The following CEP85L variants were observed in gnomAD, a reference collection of about 807,000 sequenced individuals.
CEP85L encodes centrosomal protein of 85 kDa-like.
A neutral mutation model predicts 100.3 loss-of-function variants in CEP85L; 60 were observed. The observed-to-expected ratio is 0.60, with a 90% CI of 0.49 to 0.74. The LOEUF is 0.74. Ranked by LOEUF, CEP85L falls within the 30% of genes least tolerant of loss-of-function variation. The probability of loss-of-function intolerance (pLI) is 0.00; values close to 1 mark genes in which losing one functional copy is unlikely to be tolerated. For synonymous variants in CEP85L, 319 were observed against 322.7 expected, an observed-to-expected ratio of 0.99 and a Z score of 0.12; for missense variants, 973 against 936.2, an observed-to-expected ratio of 1.04 and a Z score of -0.51.
At chr6:118,617,242 C>A (rs1369792123) in intron 2 of CEP85L, among the ~76,000 whole-genome samples, 1 of 152,068 alleles carries the variant, frequency 6.6e-6, no homozygotes, top group Middle Eastern at 3.2e-3. Context: ...ATATTCCTAA[C>A]ACCAGGATTT....
At chr6:118,649,050 G>A (rs1232276791) in intron 1 of CEP85L, among the ~76,000 whole-genome samples, 1 of 152,090 alleles carries the variant, frequency 6.6e-6, no homozygotes, top group Non-Finnish European at 1.5e-5. Context: ...AATCAACTCA[G>A]AGGTCATTAT....
chr6:118,586,287 A>G (rs1412308281), intron 2 of CEP85L, among the ~76,000 whole-genome samples: 1 of 152,224 alleles, frequency 6.6e-6, no homozygotes, highest in Non-Finnish European at 1.5e-5. Flanking sequence ...GAAATGCTGT[A>G]TGGACACACT....
intron 1 of CEP85L, among the ~76,000 whole-genome samples, chr6:118,709,652 A>G (rs1257740213): frequency 6.6e-6 from 1 of 151,494 alleles, no homozygotes; most frequent in East Asian, 1.9e-4. Context: ...AAGACTTTCC[A>G]GCTTATTTTC....
At chr6:118,540,187 ACAG>A (rs1777829157) in intron 3 of CEP85L, among the ~76,000 whole-genome samples, 1 of 152,078 alleles carries the variant, frequency 6.6e-6, no homozygotes, top group African/African-American at 2.4e-5. Flanking sequence ...AGTATTTCCA[ACAG>A]CAAAAACAGG....
At chr6:118,650,240 G>A (rs1305965134) in intron 1 of CEP85L, among the ~76,000 whole-genome samples, 2 of 152,056 alleles carry the variant, frequency 1.3e-5, no homozygotes, top group East Asian at 1.9e-4. Context: ...TTTTTTCTGC[G>A]CAGAATGTCC....
intron 2 of CEP85L, among the ~76,000 whole-genome samples, chr6:118,573,069 AAATAAT>A (rs1205512407): frequency 1.3e-5 from 2 of 152,008 alleles, no homozygotes; most frequent in Middle Eastern, 6.8e-3. Context: ...TCTCCAAAAA[AAATAAT>A]AATAATAATA....
chr6:118,547,658 T>C (rs1456586876), intron 3 of CEP85L, among the ~76,000 whole-genome samples: 1 of 152,090 alleles, frequency 6.6e-6, no homozygotes, highest in Non-Finnish European at 1.5e-5. Context: ...TATTCACAAA[T>C]ATATTGTTAA....
chr6:118,484,683 G>A (rs1582886857), intron 6 of CEP85L, among the ~76,000 whole-genome samples: 2 of 152,300 alleles, frequency 1.3e-5, no homozygotes, highest in South Asian at 2.1e-4. Flanking sequence ...GAATGACTCC[G>A]ATTTCTTAGT....
chr6:118,704,544 C>G (rs1777530295), intron 1 of CEP85L, among the ~76,000 whole-genome samples: 1 of 152,232 alleles, frequency 6.6e-6, no homozygotes, highest in African/African-American at 2.4e-5. Flanking sequence ...TCTCTGCTCA[C>G]TGCATCCTCC....
chr6:118,551,292 A>G (rs1463610862), intron 3 of CEP85L, among the ~76,000 whole-genome samples: 1 of 151,796 alleles, frequency 6.6e-6, no homozygotes, highest in African/African-American at 2.4e-5. Context: ...GCCTTTGAAA[A>G]GGTACTCCAT....
In CEP85L at chr6:118,647,143, CAAT is replaced by C. The variant is rs1775253093; in HGVS notation, c.73+4051_73+4053del. On this transcript the variant is annotated intron_variant, in intron 1 of 12. Coordinates refer to ENST00000368491, the MANE Select transcript of CEP85L (RefSeq NM_001042475.3). ...TCTAATTCAGAACCACAGCAGAAAA[CAAT>C]ATTATTAGTTGTAACCATACCAGTT... 6 of 815,452 alleles carry C rather than the reference CAAT, an allele frequency of 7.4e-6. No homozygotes were observed. In the South Asian group the frequency reaches 3.4e-4, roughly 46 times the overall value. 50.5% of individuals were successfully genotyped at this position (815,452 alleles called of 1,614,324 possible). A position where few individuals can be genotyped will look rare whatever the true frequency, so the allele number is the denominator to read the frequency against.
At chr6:118,619,317 C>A (rs916625091) in intron 2 of CEP85L, among the ~76,000 whole-genome samples, 16 of 152,084 alleles carry the variant, frequency 1.1e-4, no homozygotes, top group Admixed American at 4.6e-4. Flanking sequence ...AAACTTGGCC[C>A]CCTGAGGGAA....
intron 3 of CEP85L, among the ~76,000 whole-genome samples, chr6:118,542,900 C>CA (rs71012391): frequency 0.12 from 7,919 of 67,074 alleles, 755 homozygotes; most frequent in African/African-American, 0.24. Context: ...CAAGTTTTCC[C>CA]AAAAAAAAAA....
chr6:118,572,558 G>A (rs376177324), intron 2 of CEP85L, among the ~76,000 whole-genome samples: 6 of 151,648 alleles, frequency 4.0e-5, no homozygotes, highest in African/African-American at 7.3e-5. Context: ...GAGACAGAGC[G>A]AGACTCTGTC....
intron 6 of CEP85L, among the ~76,000 whole-genome samples, chr6:118,489,359 T>TA (rs1418787792): frequency 6.6e-6 from 1 of 150,796 alleles, no homozygotes; most frequent in Non-Finnish European, 1.5e-5. Flanking sequence ...CCTTGTACTA[T>TA]AAAAAATGTC....
intron 5 of CEP85L, among the ~76,000 whole-genome samples, chr6:118,505,336 G>A (rs1328176963): frequency 6.9e-6 from 1 of 145,380 alleles, no homozygotes; most frequent in Non-Finnish European, 1.5e-5. Flanking sequence ...AGCTACTCAG[G>A]AGGCTGAGGC....
chr6:118,575,865 A>G (rs1421515563), intron 2 of CEP85L, among the ~76,000 whole-genome samples: 2 of 152,142 alleles, frequency 1.3e-5, no homozygotes, highest in Non-Finnish European at 2.9e-5. Context: ...ATCCAGGGTT[A>G]AGGCCATGCC....
At chr6:118,566,422 A>T in intron 2 of CEP85L, 106 bp from the exon 3 acceptor site, 2 of 1,019,612 alleles carry the variant, frequency 2.0e-6, no homozygotes, top group Non-Finnish European at 2.8e-6. Flanking sequence ...TTCATAGCAC[A>T]AGCTTTTTTT....
chr6:118,670,589 T>C (rs1385447186), intron 1 of CEP85L, among the ~76,000 whole-genome samples: 1 of 151,570 alleles, frequency 6.6e-6, no homozygotes, highest in Non-Finnish European at 1.5e-5. Context: ...AGTGGCTTTA[T>C]TTCTTTTGCT....
Sources: gnomAD v4.1 joint callset for allele counts (sites outside exome capture counted in the v4.1 genomes callset) on GRCh38, gnomAD v4.1.1 for gene constraint, MANE v1.5 for transcripts, NCBI Gene and HGNC (gene_info 2026-07-23, HGNC 2026-07-21) for gene names.